FAM184B: variants seen among roughly 807,000 people sequenced by gnomAD.
FAM184B encodes the protein protein FAM184B.
In FAM184B, 111 loss-of-function variants were observed where a neutral mutation model predicts 135.9. The ratio of observed to expected loss-of-function variants is 0.82; its 90% CI spans 0.70 to 0.96. FAM184B has a LOEUF of 0.96. Among genes scored for constraint, FAM184B ranks in the 40% least tolerant of loss-of-function variants. The pLI is 0.00. For synonymous variants in FAM184B, 552 were observed against 524.8 expected, an observed-to-expected ratio of 1.05 and a Z score of -0.71; for missense variants, 1,375 against 1,323.9, an observed-to-expected ratio of 1.04 and a Z score of -0.60.
At chr4:17,727,611 A>T (rs1288708989) in intron 1 of FAM184B, among the ~76,000 whole-genome samples, 2 of 152,178 alleles carry the variant, frequency 1.3e-5, no homozygotes, top group Non-Finnish European at 2.9e-5. Flanking sequence ...GAGTGAGTTC[A>T]GGGGAAATTG....
At chr4:17,742,816 C>G (rs1313609873) in intron 1 of FAM184B, among the ~76,000 whole-genome samples, 1 of 152,218 alleles carries the variant, frequency 6.6e-6, no homozygotes, top group Non-Finnish European at 1.5e-5. Context: ...CTGATTCTTC[C>G]TGGACACCAG....
chr4:17,641,218 G>A (rs960536859), intron 13 of FAM184B, among the ~76,000 whole-genome samples: 1 of 151,792 alleles, frequency 6.6e-6, no homozygotes, highest in African/African-American at 2.4e-5. Flanking sequence ...ACAGGCGTGA[G>A]CTACCACGCC....
At chr4:17,632,878 G>T in intron 17 of FAM184B, 1 of 332,518 alleles carries the variant, frequency 3.0e-6, no homozygotes, top group Non-Finnish European at 5.7e-6. Context: ...CTTAGTGGTT[G>T]TAGCTCTAAT....
At chr4:17,633,332 A>C (rs1415129592) in intron 17 of FAM184B, 1 of 178,644 alleles carries the variant, frequency 5.6e-6, no homozygotes, top group African/African-American at 2.4e-5. Context: ...TGTGCTAAGC[A>C]CATCCTATGG....
At chr4:17,741,542 A>C (rs941638719) in intron 1 of FAM184B, among the ~76,000 whole-genome samples, 1 of 151,882 alleles carries the variant, frequency 6.6e-6, no homozygotes, top group Admixed American at 6.6e-5. Context: ...AAAAATACAA[A>C]AAGTAGCTGG....
At chr4:17,718,584 A>G (rs941715886) in intron 1 of FAM184B, among the ~76,000 whole-genome samples, 1 of 152,158 alleles carries the variant, frequency 6.6e-6, no homozygotes, top group Non-Finnish European at 1.5e-5. Flanking sequence ...TTGATGTTGA[A>G]CTTGGCTGTG....
At position 17,705,767 on chromosome 4, in the gene FAM184B, T is replaced by C. The variant is rs1560181224; in HGVS notation, c.1155A>G (p.Gly385=). 2 of 1,551,832 alleles carry C rather than the reference T, an allele frequency of 1.3e-6. No homozygotes were observed. Among genetic ancestry groups the C allele is most frequent in the Non-Finnish European group, 8.7e-7 (1 of 1,147,018 alleles). The part of the protein sequence containing the change: ...SCLKECPCMK[G]GTDMQTKKEA... ...CAGACACTACCTGCATATCTGTGCC[T>C]CCTTTCATGCAAGGGCACTCCTTGA... Residue 385 remains glycine, a synonymous_variant, in exon 4 of 18, where the codon GGA becomes GGG. Transcript: ENST00000265018.
At chr4:17,750,702 G>A (rs1358932613) in intron 1 of FAM184B, among the ~76,000 whole-genome samples, 1 of 152,142 alleles carries the variant, frequency 6.6e-6, no homozygotes, top group African/African-American at 2.4e-5. Flanking sequence ...AAACCATATA[G>A]CTCTATTAGT....
chr4:17,647,871 T>G (rs6813374), intron 11 of FAM184B, 80 bp from the exon 12 acceptor site: 17,170 of 1,369,896 alleles, frequency 0.013, 232 homozygotes, highest in East Asian at 0.015. Context: ...GTCTCTGGGG[T>G]GGGGTTGGAT....
chr4:17,647,561 C>T (rs1489017528), intron 12 of FAM184B, 76 bp downstream of exon 12: 1 of 1,480,962 alleles, frequency 6.8e-7, no homozygotes, highest in Non-Finnish European at 9.1e-7. Flanking sequence ...AGAGCCCATC[C>T]TTTATGGGGC....
chr4:17,708,636 C>A (rs187663956), intron 2 of FAM184B, among the ~76,000 whole-genome samples: 2 of 122,932 alleles, frequency 1.6e-5, no homozygotes, highest in African/African-American at 6.2e-5. Context: ...CAGAGTGAGG[C>A]TCCGTCTCAA....
At chr4:17,748,745 T>C (rs942846565) in intron 1 of FAM184B, among the ~76,000 whole-genome samples, 6 of 152,056 alleles carry the variant, frequency 3.9e-5, no homozygotes, top group Admixed American at 3.3e-4. Context: ...TTGAATTCCC[T>C]GGCCCAAGTG....
intron 9 of FAM184B, 65 bp from the exon 10 acceptor site, chr4:17,658,627 T>G: frequency 6.8e-7 from 1 of 1,461,654 alleles, no homozygotes; most frequent in Non-Finnish European, 9.3e-7. Context: ...TTTCTTCAAA[T>G]AAAAGCTTTC....
intron 14 of FAM184B, among the ~76,000 whole-genome samples, chr4:17,638,160 T>G: frequency 1.7e-5 from 1 of 59,864 alleles, no homozygotes; most frequent in Non-Finnish European, 3.4e-5. Flanking sequence ...TTTTTTTTTT[T>G]TTTGAGACAG....
intron 5 of FAM184B, among the ~76,000 whole-genome samples, chr4:17,701,652 G>A (rs1716987460): frequency 1.3e-5 from 2 of 152,192 alleles, no homozygotes; most frequent in Admixed American, 1.3e-4. Context: ...ATCCTGGATT[G>A]CAAATCACAG....
In FAM184B at chr4:17,781,309, G is replaced by C; in HGVS notation, c.-10C>G. The C allele has an allele frequency of 2.0e-6, 3 of 1,526,360 alleles. No individual in the cohort carries two copies. The highest frequency in any genetic ancestry group is 2.7e-6 in the Non-Finnish European group (3 of 1,130,688). The allele number at this position is 1,526,360 out of a possible 1,614,324, so 94.6% of individuals were successfully genotyped here. ...TGAGAGCAGAAGCCATCGCTAAAAC[G>C]CGCCCAGCACTCAGACTCTCTCGTT... On this transcript the variant is annotated 5_prime_UTR_variant, in exon 1 of 18. Transcript: ENST00000265018. This position sits in a 1 kb window ranked among gnomAD's most constrained non-coding sequence, Gnocchi z 6.5.
intron 1 of FAM184B, among the ~76,000 whole-genome samples, chr4:17,733,340 A>G (rs1717831641): frequency 6.6e-6 from 1 of 152,214 alleles, no homozygotes; most frequent in Non-Finnish European, 1.5e-5. Context: ...TGGCCACGGT[A>G]ATCAGGCAGG....
At position 17,658,698 on chromosome 4, in the gene FAM184B, G is replaced by T. The variant is rs887987391; in HGVS notation, c.1825-136C>A. On this transcript the variant is annotated intron_variant, in intron 9 of 17. Coordinates refer to ENST00000265018, the MANE Select transcript of FAM184B (RefSeq NM_015688.2). ...CTGTAGAGACTCTGAAGGGATGGAA[G>T]CTGCAAGCTTTAAGGACCTGGGGGT... 9.3e-6 allele frequency: 8 copies of T among 862,824 alleles called. No homozygotes were observed. The African/African-American group carries it at 1.4e-4, about 15-fold the overall frequency. 53.4% of individuals were successfully genotyped at this position (862,824 alleles called of 1,614,324 possible).
At chr4:17,650,068 T>C (rs1715572911) in intron 11 of FAM184B, among the ~76,000 whole-genome samples, 1 of 116,548 alleles carries the variant, frequency 8.6e-6, no homozygotes, top group African/African-American at 3.0e-5. Flanking sequence ...ACATCTCCAT[T>C]TGTCTGTCTG....
Sources: allele counts gnomAD v4.1 joint callset (sites outside exome capture counted in the v4.1 genomes callset), GRCh38; gene constraint gnomAD v4.1.1; non-coding constraint Gnocchi (gnomAD v3.1); transcripts MANE v1.5; gene names NCBI Gene and HGNC (gene_info 2026-07-23, HGNC 2026-07-21).